Variants in HOMER1 observed in about 807,000 individuals in gnomAD.
The protein encoded by HOMER1 is homer scaffold protein 1, also known as homer protein homolog 1.
Under a neutral mutation model 48.9 loss-of-function variants are expected in HOMER1, and 3 were observed. The ratio of observed to expected loss-of-function variants is 0.06; its 90% CI spans 0.03 to 0.16. The LOEUF (loss-of-function observed/expected upper bound fraction) is 0.16. Ranked by LOEUF, HOMER1 falls within the 10% of genes least tolerant of loss-of-function variation. HOMER1 has a pLI of 1.00. For missense variants in HOMER1, 247 were observed against 411.4 expected, an observed-to-expected ratio of 0.60 and a Z score of 3.46; for synonymous variants, 134 against 146.4, an observed-to-expected ratio of 0.92 and a Z score of 0.61.
chr5:79,467,844 A>T (rs1323325756), intron 1 of HOMER1, among the ~76,000 whole-genome samples: 8 of 152,128 alleles, frequency 5.3e-5, no homozygotes, highest in Non-Finnish European at 8.8e-5. Flanking sequence ...TGGTGCGATC[A>T]GAGCTCACTT....
chr5:79,391,393 G>C (rs982665707), intron 8 of HOMER1, among the ~76,000 whole-genome samples: 4 of 151,422 alleles, frequency 2.6e-5, no homozygotes, highest in African/African-American at 4.8e-5. Flanking sequence ...GTCTCCCAAA[G>C]TGCTGGAATT....
At position 79,375,256 on chromosome 5, in the gene HOMER1, G is replaced by C. The variant is rs965423174; in HGVS notation, c.*753C>G. ...AGAAAAATTTCTGAGGGACTCAGCT[G>C]CCTTCGTTAGTTGGCTTTAAAATGT... On this transcript the variant is annotated 3_prime_UTR_variant, in exon 9 of 9. Coordinates refer to ENST00000334082, the MANE Select transcript of HOMER1 (RefSeq NM_004272.5). 2 of 152,028 alleles carry C rather than the reference G, an allele frequency of 1.3e-5. No homozygotes were observed. Among genetic ancestry groups the C allele is most frequent in the Non-Finnish European group, 2.9e-5 (2 of 67,914 alleles). The allele number at this position is 152,028 out of a possible 1,614,324, so 9.4% of individuals were successfully genotyped here. A position where few individuals can be genotyped will look rare whatever the true frequency, so the allele number is the denominator to read the frequency against.
At chr5:79,400,934 A>ATTTT (rs746813087) in intron 6 of HOMER1, among the ~76,000 whole-genome samples, 26 of 115,102 alleles carry the variant, frequency 2.3e-4, no homozygotes, top group African/African-American at 7.3e-4. Flanking sequence ...AAGAAAAAAG[A>ATTTT]TTTTTTTTTT....
At chr5:79,400,873 T>C (rs1749519544) in intron 6 of HOMER1, among the ~76,000 whole-genome samples, 1 of 144,404 alleles carries the variant, frequency 6.9e-6, no homozygotes, top group Non-Finnish European at 1.5e-5. Context: ...GCATTCCAAG[T>C]AGCTAGGACT....
chr5:79,511,526 G>C (rs1275307990), intron 1 of HOMER1, among the ~76,000 whole-genome samples: 2 of 152,192 alleles, frequency 1.3e-5, no homozygotes. Flanking sequence ...ATTTGCCTCA[G>C]ATCACTAAGC....
chr5:79,465,692 A>T (rs1305001279), intron 1 of HOMER1, among the ~76,000 whole-genome samples: 4 of 138,522 alleles, frequency 2.9e-5, no homozygotes, highest in Admixed American at 8.4e-5. Context: ...TCCCAGGTTC[A>T]CGCCATTCTC....
intron 5 of HOMER1, among the ~76,000 whole-genome samples, chr5:79,422,263 C>T (rs1177700557): frequency 6.6e-6 from 1 of 151,840 alleles, no homozygotes; most frequent in Non-Finnish European, 1.5e-5. Context: ...CATGACTGTG[C>T]TGACTTAACT....
At chr5:79,377,545 C>T (rs964670991) in intron 8 of HOMER1, among the ~76,000 whole-genome samples, 6 of 149,908 alleles carry the variant, frequency 4.0e-5, no homozygotes, top group South Asian at 2.1e-4. Flanking sequence ...TATGGGACAA[C>T]GAAAATATCT....
chr5:79,397,585 T>C lies in HOMER1; in HGVS notation c.737A>G (p.Lys246Arg), dbSNP rs761134894. ...SSQANAVHTHKTELNQTIQEL... is the reference protein window; with the variant it reads ...SSQANAVHTHRTELNQTIQEL... Reference sequence around the variant, plus strand: ...TTGTATTGTCTGATTTAATTCTGTCTTATGAGTATGTACTGCATTTGCTTG... The same window carrying C: ...TTGTATTGTCTGATTTAATTCTGTCCTATGAGTATGTACTGCATTTGCTTG... The change falls in exon 7 of 9, where the codon AAG (lysine) becomes AGG (arginine). Residue 246 changes from lysine to arginine, a missense_variant. Around this residue, in one of 4 missense-constraint regions of HOMER1, gnomAD observed 113 missense variants for 152.5 expected, o/e 0.74. Transcript: ENST00000334082. 3 of 1,611,266 alleles carry C rather than the reference T, an allele frequency of 1.9e-6. No homozygotes were observed. In the South Asian group the frequency reaches 3.3e-5, roughly 18 times the overall value.
chr5:79,401,296 A>G (rs1749530623), intron 6 of HOMER1, among the ~76,000 whole-genome samples: 1 of 152,220 alleles, frequency 6.6e-6, no homozygotes, highest in Admixed American at 6.5e-5. Flanking sequence ...CTACATGCCA[A>G]TTAAGTATTC....
chr5:79,446,171 T>C (rs142919096), intron 4 of HOMER1, among the ~76,000 whole-genome samples: 283 of 152,238 alleles, frequency 1.9e-3, no homozygotes, highest in African/African-American at 6.6e-3. Flanking sequence ...ATCTGATCCA[T>C]ACATCTGATC....
intron 8 of HOMER1, among the ~76,000 whole-genome samples, chr5:79,383,930 G>A (rs1749044640): frequency 6.6e-6 from 1 of 151,956 alleles, no homozygotes; most frequent in African/African-American, 2.4e-5. Context: ...AGGAAATTAA[G>A]ATGAAAATTA....
At chr5:79,387,472 T>C (rs921409377) in intron 8 of HOMER1, among the ~76,000 whole-genome samples, 4 of 152,110 alleles carry the variant, frequency 2.6e-5, no homozygotes, top group Admixed American at 6.5e-5. Flanking sequence ...ATAAAAGCTG[T>C]AGAAAAATTG....
At chr5:79,473,732 T>C (rs1485378682) in intron 1 of HOMER1, among the ~76,000 whole-genome samples, 1 of 152,150 alleles carries the variant, frequency 6.6e-6, no homozygotes, top group Non-Finnish European at 1.5e-5. Flanking sequence ...AGAGGAGTGG[T>C]AATACTAATT....
At chr5:79,425,517 A>G (rs1750222646) in intron 5 of HOMER1, among the ~76,000 whole-genome samples, 1 of 152,110 alleles carries the variant, frequency 6.6e-6, no homozygotes, top group Non-Finnish European at 1.5e-5. Context: ...TATTAGTTCA[A>G]GGCTGAACAT....
intron 1 of HOMER1, among the ~76,000 whole-genome samples, chr5:79,501,162 G>A (rs531139858): frequency 3.2e-4 from 48 of 151,836 alleles, no homozygotes; most frequent in Admixed American, 4.6e-4. Flanking sequence ...GTAAACACTG[G>A]TTTTCACCAT....
chr5:79,434,089 G>C (rs1021828583), intron 5 of HOMER1, among the ~76,000 whole-genome samples: 6 of 151,968 alleles, frequency 3.9e-5, no homozygotes, highest in Non-Finnish European at 8.8e-5. Flanking sequence ...TAATCAAACT[G>C]TTATTAAAAT....
At chr5:79,499,353 A>G (rs1752511815) in intron 1 of HOMER1, among the ~76,000 whole-genome samples, 1 of 152,214 alleles carries the variant, frequency 6.6e-6, no homozygotes, top group South Asian at 2.1e-4. Context: ...ACTCTATACC[A>G]AACACATGTA....
chr5:79,414,230 G>A (rs1478312021), intron 5 of HOMER1, among the ~76,000 whole-genome samples: 1 of 150,530 alleles, frequency 6.6e-6, no homozygotes, highest in Non-Finnish European at 1.5e-5. Flanking sequence ...CTACAGGCAT[G>A]CAACCATACC....
Sources: gnomAD v4.1 joint callset for allele counts (sites outside exome capture counted in the v4.1 genomes callset) on GRCh38, gnomAD v4.1.1 for gene constraint, gnomAD v4.1.1 regional missense constraint, MANE v1.5 for transcripts, NCBI Gene and HGNC (gene_info 2026-07-23, HGNC 2026-07-21) for gene names.